PCDHGB2: variants seen among roughly 807,000 people sequenced by gnomAD.
PCDHGB2 encodes the protein protocadherin gamma subfamily B, 2, also known as protocadherin gamma-B2.
In PCDHGB2, 55 loss-of-function variants were observed where a neutral mutation model predicts 59.3. The ratio of observed to expected loss-of-function variants is 0.93; its 90% CI spans 0.75 to 1.16. The LOEUF (loss-of-function observed/expected upper bound fraction) is 1.16, where lower values mean the gene tolerates loss of function less well. PCDHGB2 is among the 50% of genes most tolerant of loss of function. The pLI is 0.00. For synonymous variants in PCDHGB2, 516 were observed against 512.0 expected (o/e 1.01, Z -0.11); for missense variants, 1,228 against 1,198.5 (o/e 1.02, Z -0.36).
intron 1 of PCDHGB2, chr5:141,388,302 C>G: frequency 6.2e-7 from 1 of 1,613,700 alleles, no homozygotes; most frequent in Non-Finnish European, 8.5e-7. Context: ...TTCCTTTGAG[C>G]TGCAAATAAG....
In PCDHGB2 at chr5:141,493,307, AAG is replaced by A. The variant is rs2099747490; in HGVS notation, c.2422-1494_2422-1493del. Among the ~76,000 whole-genome samples, 1 of 152,234 alleles carries A rather than the reference AAG, an allele frequency of 6.6e-6. No homozygotes were observed. Among genetic ancestry groups the A allele is most frequent in the South Asian group, 2.1e-4 (1 of 4,832 alleles). ...ACTTGCTCAAGTTCACAGAGCAAGT[AAG>A]AGAGATTCTAACCCCTGTCTAACTC... On this transcript the variant is annotated intron_variant, in intron 1 of 3. Transcript: ENST00000522605. This position sits in a 1 kb window ranked among gnomAD's most constrained non-coding sequence, Gnocchi z 4.3.
Position 141,490,293 on chromosome 5 carries a change from A to G in PCDHGB2, c.2422-4514A>G, listed in dbSNP as rs1316965652. On this transcript the variant is annotated intron_variant, in intron 1 of 3. Transcript: ENST00000522605. The surrounding 1 kb of genome is among the most constrained non-coding windows in gnomAD (Gnocchi z 5.4). ...TCAATGACAATGCCCCAGAGGTGCTATTGGCCTCTTTGGCCAACCCTGTCC... is the reference window on the plus strand; with the variant it reads ...TCAATGACAATGCCCCAGAGGTGCTGTTGGCCTCTTTGGCCAACCCTGTCC... The G allele has an allele frequency of 1.2e-6, 2 of 1,614,190 alleles. No individual in the cohort carries two copies. The highest frequency in any genetic ancestry group is 8.5e-7 in the Non-Finnish European group (1 of 1,180,028).
At chr5:141,462,540 TTTC>T (rs2099042260) in intron 1 of PCDHGB2, among the ~76,000 whole-genome samples, 1 of 152,204 alleles carries the variant, frequency 6.6e-6, no homozygotes, top group East Asian at 1.9e-4. Flanking sequence ...TCAGTGATCT[TTTC>T]TTCTTCAGTG....
intron 1 of PCDHGB2, chr5:141,414,573 A>G: frequency 6.2e-7 from 1 of 1,613,920 alleles, no homozygotes; most frequent in African/African-American, 1.3e-5. Context: ...CCTATATCCC[A>G]GAGAACAACG....
At position 141,490,169 on chromosome 5, in the gene PCDHGB2, T is replaced by C; in HGVS notation, c.2422-4638T>C. ...ATCCATGTGTTGGGTCCCATAGACT[T>C]TGAGGAGTCACGTTTCTATGAAATT... On this transcript the variant is annotated intron_variant, in intron 1 of 3. Transcript: ENST00000522605. This position sits in a 1 kb window ranked among gnomAD's most constrained non-coding sequence, Gnocchi z 5.4. 6.2e-7 allele frequency: 1 copy of C among 1,614,190 alleles called. No individual in the cohort carries two copies. The highest frequency in any genetic ancestry group is 8.5e-7 in the Non-Finnish European group (1 of 1,180,018).
Position 141,491,902 on chromosome 5 carries a change from G to C in PCDHGB2, c.2422-2905G>C. On this transcript the variant is annotated intron_variant, in intron 1 of 3. Transcript: ENST00000522605. This position sits in a 1 kb window ranked among gnomAD's most constrained non-coding sequence, Gnocchi z 6.9. ...AGGGATGGGGCTCCGAGCACCGGGG[G>C]TGGTGGCGACTGTGGGCGAGGGGAG... 7.0e-7 allele frequency: 1 copy of C among 1,429,002 alleles called. No individual in the cohort carries two copies. Among genetic ancestry groups the C allele is most frequent in the Non-Finnish European group, 9.3e-7 (1 of 1,079,426 alleles). The allele number at this position is 1,429,002 out of a possible 1,614,324, so 88.5% of individuals were successfully genotyped here. A position where few individuals can be genotyped will look rare whatever the true frequency, so the allele number is the denominator to read the frequency against.
At chr5:141,422,786 C>T in intron 1 of PCDHGB2, 1 of 1,614,178 alleles carries the variant, frequency 6.2e-7, no homozygotes, top group Non-Finnish European at 8.5e-7. Context: ...GCCCTACAAT[C>T]CTTCGACTAT....
At chr5:141,414,899 G>T (rs756810046) in intron 1 of PCDHGB2, 1 of 1,614,182 alleles carries the variant, frequency 6.2e-7, no homozygotes, top group Non-Finnish European at 8.5e-7. Context: ...CCCACAGACG[G>T]TTCCACAGGC....
At chr5:141,500,012 A>G (rs2099795840) in intron 2 of PCDHGB2, among the ~76,000 whole-genome samples, 1 of 151,622 alleles carries the variant, frequency 6.6e-6, no homozygotes, top group Non-Finnish European at 1.5e-5. Flanking sequence ...TAAGGTCCAC[A>G]TTTTATATTT....
intron 1 of PCDHGB2, chr5:141,417,570 T>A: frequency 2.7e-6 from 1 of 373,028 alleles, no homozygotes; most frequent in Non-Finnish European, 4.7e-6. Context: ...AAAAGTCAAG[T>A]TGCAGTCCCA....
chr5:141,361,368 C>G lies in PCDHGB2; in HGVS notation c.1233C>G (p.Asp411Glu). The G allele has an allele frequency of 6.2e-7, 1 of 1,613,970 alleles. No homozygotes were observed. The highest frequency in any genetic ancestry group is 1.1e-5 in the South Asian group (1 of 91,082). Residue 411 changes from aspartate (D) to glutamate (E), a missense_variant, in exon 1 of 4, where the codon GAC (aspartate) becomes GAG (glutamate). This residue lies in a region of PCDHGB2 where 781 missense variants were observed against 721.6 expected (regional missense o/e 1.08). Transcript: ENST00000522605. Reference sequence around the variant, plus strand: ...AACTAGTGACAGACGGCGCTCTGGACCGGGAGGAGATCCCAGAATACAATC... The same window carrying G: ...AACTAGTGACAGACGGCGCTCTGGAGCGGGAGGAGATCCCAGAATACAATC... ...YYKLVTDGAL[D>E]REEIPEYNLT... is the part of the protein sequence containing the mutation.
At position 141,431,542 on chromosome 5, in the gene PCDHGB2, G is replaced by C; in HGVS notation, c.2422-63265G>C. On this transcript the variant is annotated intron_variant, in intron 1 of 3. Coordinates refer to ENST00000522605, the MANE Select transcript of PCDHGB2 (RefSeq NM_018923.3). The surrounding 1 kb of genome is among the most constrained non-coding windows in gnomAD (Gnocchi z 4.8). ...AGAATCTGGCCTTGGGCACGCAGCT[G>C]CTTGTAGTCAACGCTACCGACCCTG... The C allele has an allele frequency of 1.9e-6, 3 of 1,614,124 alleles. No homozygotes were observed. The highest frequency in any genetic ancestry group is 1.1e-5 in the South Asian group (1 of 91,086).
At position 141,432,749 on chromosome 5, in the gene PCDHGB2, G is replaced by A; in HGVS notation, c.2422-62058G>A. 6.8e-6 allele frequency: 11 copies of A among 1,614,106 alleles called. No homozygotes were observed. The highest frequency in any genetic ancestry group is 9.3e-6 in the Non-Finnish European group (11 of 1,179,980). On this transcript the variant is annotated intron_variant, in intron 1 of 3. Coordinates refer to ENST00000522605, the MANE Select transcript of PCDHGB2 (RefSeq NM_018923.3). The surrounding 1 kb of genome is among the most constrained non-coding windows in gnomAD (Gnocchi z 6.0). ...CGCCACTGTCACGCTCACCGTGGCCGTGGCCGACAGCATCCCCCAAGTCCT... is the reference window on the plus strand; with the variant it reads ...CGCCACTGTCACGCTCACCGTGGCCATGGCCGACAGCATCCCCCAAGTCCT...
intron 1 of PCDHGB2, among the ~76,000 whole-genome samples, chr5:141,434,530 A>G (rs1241680580): frequency 6.6e-6 from 1 of 152,226 alleles, no homozygotes; most frequent in African/African-American, 2.4e-5. Flanking sequence ...CTTAAACCAC[A>G]AACAATAGCA....
At chr5:141,445,782 G>A (rs530081823) in intron 1 of PCDHGB2, among the ~76,000 whole-genome samples, 1 of 152,310 alleles carries the variant, frequency 6.6e-6, no homozygotes, top group East Asian at 1.9e-4. Flanking sequence ...AAGGGCTAGG[G>A]AGGCTAGAAA....
chr5:141,422,494 T>G lies in PCDHGB2; in HGVS notation c.2421+59938T>G, dbSNP rs772798862. On this transcript the variant is annotated intron_variant, in intron 1 of 3. Transcript: ENST00000522605. ...GTTGGTCCAGAGCTACAATATAACG[T>G]TGACAGCCACAGACCAGGGAAGCCC... The G allele has an allele frequency of 3.5e-5, 56 of 1,613,848 alleles. No homozygotes were observed. Among genetic ancestry groups the G allele is most frequent in the Non-Finnish European group, 1.0e-5 (12 of 1,179,896 alleles).
In PCDHGB2 at chr5:141,407,146, T is replaced by C. The variant is rs142297912; in HGVS notation, c.2421+44590T>C. On this transcript the variant is annotated intron_variant, in intron 1 of 3. Transcript: ENST00000522605. ...TGCTTTATTTTTAAGAAAAAAAAGC[T>C]GAAGTGTCTGGGAATCCTTTATGAC... 2.0e-5 allele frequency among the ~76,000 whole-genome samples: 3 copies of C among 152,354 alleles called. No individual in the cohort carries two copies. The East Asian group carries it at 5.8e-4, about 29-fold the overall frequency.
At chr5:141,409,423 T>C in intron 1 of PCDHGB2, 1 of 1,614,026 alleles carries the variant, frequency 6.2e-7, no homozygotes. Flanking sequence ...TGGTGACAGA[T>C]GGAGCCCTGG....
chr5:141,399,356 A>G, intron 1 of PCDHGB2: 1 of 1,614,010 alleles, frequency 6.2e-7, no homozygotes, highest in Non-Finnish European at 8.5e-7. Flanking sequence ...GACCGAGAGC[A>G]AACCCCGGAG....
Sources: gnomAD v4.1 joint callset for allele counts (sites outside exome capture counted in the v4.1 genomes callset) on GRCh38, gnomAD v4.1.1 for gene constraint, gnomAD v4.1.1 regional missense constraint, Gnocchi (gnomAD v3.1) non-coding constraint, MANE v1.5 for transcripts, NCBI Gene and HGNC (gene_info 2026-07-23, HGNC 2026-07-21) for gene names.